The following FILIP1 variants were observed in gnomAD, a reference collection of about 807,000 sequenced individuals.
FILIP1 encodes filamin-A-interacting protein 1.
Under a neutral mutation model 102.1 loss-of-function variants are expected in FILIP1, and 61 were observed. The observed-to-expected ratio is 0.60, with a 90% CI of 0.49 to 0.74. The LOEUF (loss-of-function observed/expected upper bound fraction) is 0.74, where lower values mean the gene tolerates loss of function less well. Ranked by LOEUF, FILIP1 falls within the 30% of genes least tolerant of loss-of-function variation. FILIP1 has a pLI of 0.00. For synonymous variants in FILIP1, 491 were observed against 526.9 expected, an observed-to-expected ratio of 0.93 and a Z score of 0.93; for missense variants, 1,314 against 1,441.2, an observed-to-expected ratio of 0.91 and a Z score of 1.43.
At chr6:75,343,067 G>A (rs1774467545) in intron 4 of FILIP1, among the ~76,000 whole-genome samples, 1 of 152,118 alleles carries the variant, frequency 6.6e-6, no homozygotes, top group Non-Finnish European at 1.5e-5. Flanking sequence ...GTCAAATGAG[G>A]TCATAAGGTT....
At chr6:75,485,038 C>T (rs1236346529) in intron 1 of FILIP1, among the ~76,000 whole-genome samples, 1 of 151,834 alleles carries the variant, frequency 6.6e-6, no homozygotes, top group Admixed American at 6.6e-5. Context: ...AAGAAGAGAA[C>T]ACAAATACTC....
At position 75,449,148 on chromosome 6, in the gene FILIP1, G is replaced by A. The variant is rs184035222; in HGVS notation, c.-6-34170C>T. On this transcript the variant is annotated intron_variant, in intron 1 of 5. Coordinates refer to ENST00000237172, the MANE Select transcript of FILIP1 (RefSeq NM_015687.5). ...ATGCACCATGGAATACTACTCAGTC[G>A]TGAAAAGGAATGAAATAATGGCATT... Among the ~76,000 whole-genome samples the A allele has an allele frequency of 3.2e-3, 488 of 152,276 alleles. 5 individuals carry two copies. Among genetic ancestry groups the A allele is most frequent in the Non-Finnish European group, 2.9e-3 (194 of 68,022 alleles).
intron 1 of FILIP1, among the ~76,000 whole-genome samples, chr6:75,427,809 CT>C (rs1439108278): frequency 6.6e-6 from 1 of 152,160 alleles, no homozygotes; most frequent in African/African-American, 2.4e-5. Context: ...CCCTCATATC[CT>C]TTTGAACTCT....
At chr6:75,349,546 C>A (rs983539822) in intron 4 of FILIP1, among the ~76,000 whole-genome samples, 1 of 152,200 alleles carries the variant, frequency 6.6e-6, no homozygotes, top group African/African-American at 2.4e-5. Context: ...AAGCAAAGTT[C>A]TTGGCTGTGC....
intron 1 of FILIP1, among the ~76,000 whole-genome samples, chr6:75,460,805 CA>C (rs368672372): frequency 1.3e-5 from 2 of 151,932 alleles, no homozygotes; most frequent in South Asian, 2.1e-4. Context: ...CTGAGTGTTA[CA>C]AAAAAATGTG....
chr6:75,439,807 C>G (rs1226647548), intron 1 of FILIP1, among the ~76,000 whole-genome samples: 1 of 152,154 alleles, frequency 6.6e-6, no homozygotes, highest in African/African-American at 2.4e-5. Flanking sequence ...TAAGTTCTTC[C>G]TAACACTGAA....
rs914199329 is a variant in FILIP1 at position 75,431,153 on chromosome 6, A to C, written c.-6-16175T>G. 2.6e-5 allele frequency among the ~76,000 whole-genome samples: 4 copies of C among 152,196 alleles called. No homozygotes were observed. The East Asian group carries it at 7.7e-4, about 29-fold the overall frequency. On this transcript the variant is annotated intron_variant, in intron 1 of 5. Transcript: ENST00000237172. ...GCCTTGGCGGTAGCCATGGTAACTA[A>C]ATACTGAGCATGAGGGCAGAGGAAG...
At chr6:75,446,068 G>A (rs182384433) in intron 1 of FILIP1, among the ~76,000 whole-genome samples, 18 of 152,068 alleles carry the variant, frequency 1.2e-4, no homozygotes, top group Non-Finnish European at 2.1e-4. Flanking sequence ...AAACTTAAGA[G>A]ATCTTGACTT....
intron 4 of FILIP1, among the ~76,000 whole-genome samples, chr6:75,351,504 A>G (rs1774806148): frequency 6.6e-6 from 1 of 152,212 alleles, no homozygotes; most frequent in African/African-American, 2.4e-5. Context: ...TCTGGTATTC[A>G]CGGCCATTTC....
At chr6:75,383,002 T>C (rs1291859679) in intron 2 of FILIP1, among the ~76,000 whole-genome samples, 2 of 152,234 alleles carry the variant, frequency 1.3e-5, no homozygotes, top group Non-Finnish European at 2.9e-5. Context: ...TATGTTTTCA[T>C]ATAGATCTAA....
chr6:75,376,329 C>G (rs1775750631), intron 2 of FILIP1, among the ~76,000 whole-genome samples: 3 of 152,128 alleles, frequency 2.0e-5, no homozygotes, highest in African/African-American at 7.2e-5. Flanking sequence ...TAGTGTGCCT[C>G]TCTGAACTGT....
chr6:75,345,860 C>CG (rs1476769713), intron 4 of FILIP1, among the ~76,000 whole-genome samples: 1 of 152,102 alleles, frequency 6.6e-6, no homozygotes, highest in East Asian at 1.9e-4. Context: ...TGAGGAACCC[C>CG]GGGTATTTAC....
At chr6:75,397,624 T>TA (rs1776512752) in intron 2 of FILIP1, among the ~76,000 whole-genome samples, 1 of 149,816 alleles carries the variant, frequency 6.7e-6, no homozygotes, top group Admixed American at 6.7e-5. Context: ...TGGCAGGAAT[T>TA]ACAACATCCC....
intron 1 of FILIP1, among the ~76,000 whole-genome samples, chr6:75,432,686 A>AT (rs987860689): frequency 1.3e-5 from 2 of 151,764 alleles, no homozygotes; most frequent in Admixed American, 6.6e-5. Flanking sequence ...TATTATTTTT[A>AT]TTTTTTTTAT....
At chr6:75,331,229 T>C (rs1184445994) in intron 4 of FILIP1, among the ~76,000 whole-genome samples, 1 of 152,150 alleles carries the variant, frequency 6.6e-6, no homozygotes, top group African/African-American at 2.4e-5. Context: ...TTAGTCACAA[T>C]AAAAATTAAA....
At position 75,308,407 on chromosome 6, in the gene FILIP1, A is replaced by G. The variant is rs533974355; in HGVS notation, c.*284T>C. On this transcript the variant is annotated 3_prime_UTR_variant, in exon 6 of 6. Coordinates refer to ENST00000237172, the MANE Select transcript of FILIP1 (RefSeq NM_015687.5). ...CCCCACATCTAACTGATGAGGAAAC[A>G]GGCTCAGATGGGTCTATTGATGGGT... The G allele has an allele frequency of 6.1e-6, 7 of 1,150,890 alleles. No individual in the cohort carries two copies. The African/African-American group carries it at 9.5e-5, about 16-fold the overall frequency. 71.3% of individuals were successfully genotyped at this position (1,150,890 alleles called of 1,614,324 possible).
intron 2 of FILIP1, among the ~76,000 whole-genome samples, chr6:75,413,899 T>C (rs1342815224): frequency 2.0e-5 from 3 of 150,596 alleles, no homozygotes; most frequent in Non-Finnish European, 4.4e-5. Context: ...GAAACATAGA[T>C]TTAATGGGAG....
Position 75,308,368 on chromosome 6 carries a change from G to C in FILIP1, c.*323C>G. ...GAAATATGGGAGCCGGACTTGAAGA[G>C]CGTGTGATTGAGTCCCCACATCTAA... On this transcript the variant is annotated 3_prime_UTR_variant, in exon 6 of 6. Coordinates refer to ENST00000237172, the MANE Select transcript of FILIP1 (RefSeq NM_015687.5). 9.6e-7 allele frequency: 1 copy of C among 1,046,468 alleles called. No individual in the cohort carries two copies. Among genetic ancestry groups the C allele is most frequent in the Non-Finnish European group, 1.2e-6 (1 of 858,044 alleles). The allele number at this position is 1,046,468 out of a possible 1,614,324, so 64.8% of individuals were successfully genotyped here. A position where few individuals can be genotyped will look rare whatever the true frequency, so the allele number is the denominator to read the frequency against.
intron 4 of FILIP1, among the ~76,000 whole-genome samples, chr6:75,322,066 C>G (rs186890300): frequency 3.3e-5 from 5 of 152,284 alleles, no homozygotes; most frequent in African/African-American, 1.2e-4. Context: ...ATCCACCTCC[C>G]CAGTCGATTC....
Sources: gnomAD v4.1 joint callset for allele counts (sites outside exome capture counted in the v4.1 genomes callset) on GRCh38, gnomAD v4.1.1 for gene constraint, MANE v1.5 for transcripts, NCBI Gene and HGNC (gene_info 2026-07-23, HGNC 2026-07-21) for gene names.